The following ABHD2 variants were observed in gnomAD, a reference collection of about 807,000 sequenced individuals.
ABHD2 encodes the protein abhydrolase domain containing 2, acylglycerol lipase, also known as monoacylglycerol lipase ABHD2.
In ABHD2, 20 loss-of-function variants were observed where a neutral mutation model predicts 48.1. The observed-to-expected ratio is 0.42, with a 90% confidence interval of 0.29 to 0.60. The LOEUF is 0.60. Ranked by LOEUF, ABHD2 falls within the 20% of genes least tolerant of loss-of-function variation. ABHD2 has a pLI of 0.24. For missense variants in ABHD2, 405 were observed against 550.9 expected, an observed-to-expected ratio of 0.74 and a Z score of 2.65; for synonymous variants, 209 against 214.2, an observed-to-expected ratio of 0.98 and a Z score of 0.21.
the ABHD2 span, among the ~76,000 whole-genome samples, chr15:89,079,346 T>G: frequency 6.6e-6 from 1 of 152,196 alleles, no homozygotes; most frequent in Middle Eastern, 3.2e-3. The surrounding 1 kb of genome is among the most constrained non-coding windows in gnomAD (Gnocchi z 4.3). Context: ...AAAACCCTTT[T>G]TGGAAAAAGC....
At chr15:89,144,343 G>C (rs907211557) in intron 3 of ABHD2, among the ~76,000 whole-genome samples, 8 of 152,152 alleles carry the variant, frequency 5.3e-5, no homozygotes, top group Admixed American at 1.3e-4. Flanking sequence ...ATGTTGACCA[G>C]GCTGGTCTCA....
chr15:89,063,626 A>G, the ABHD2 span, among the ~76,000 whole-genome samples: 1 of 152,056 alleles, frequency 6.6e-6, no homozygotes, highest in African/African-American at 2.4e-5. Context: ...CAGTTTTTTT[A>G]TTGTTGTAAA....
At chr15:89,107,987 G>A (rs1183329068) in intron 1 of ABHD2, among the ~76,000 whole-genome samples, 1 of 152,212 alleles carries the variant, frequency 6.6e-6, no homozygotes, top group South Asian at 2.1e-4. Flanking sequence ...AAGCCAATAA[G>A]TATTTATTCA....
At chr15:89,041,513 A>G in the ABHD2 span, among the ~76,000 whole-genome samples, 6 of 152,344 alleles carry the variant, frequency 3.9e-5, no homozygotes, top group Non-Finnish European at 7.3e-5. Flanking sequence ...GTCTGGATCT[A>G]CTGCAGTGAC....
At chr15:89,056,495 T>A in the ABHD2 span, among the ~76,000 whole-genome samples, 2 of 151,826 alleles carry the variant, frequency 1.3e-5, no homozygotes, top group African/African-American at 2.4e-5. Context: ...ACAAAAAAAT[T>A]AGCCAGGCAT....
chr15:89,165,295 T>G (rs1038266840), intron 5 of ABHD2, among the ~76,000 whole-genome samples: 8 of 149,786 alleles, frequency 5.3e-5, no homozygotes, highest in African/African-American at 1.0e-4. Context: ...TAAAAAATGT[T>G]TTTTTTTTTT....
rs372914544 is a variant in ABHD2 at position 89,189,099 on chromosome 15, G to A, written c.926+796G>A. Among the ~76,000 whole-genome samples, 4 of 152,140 alleles carry A rather than the reference G, an allele frequency of 2.6e-5. No homozygotes were observed. Among genetic ancestry groups the A allele is most frequent in the Non-Finnish European group, 5.9e-5 (4 of 68,022 alleles). On this transcript the variant is annotated intron_variant, in intron 8 of 10. Coordinates refer to ENST00000352732, the MANE Select transcript of ABHD2 (RefSeq NM_152924.5). This position sits in a 1 kb window ranked among gnomAD's most constrained non-coding sequence, Gnocchi z 4.9. ...GACAGTGGCCTCTTTCCTGGTTCCAGTAGTTTCTGATTGAGGTTAGCCTCA... is the reference window on the plus strand; with the variant it reads ...GACAGTGGCCTCTTTCCTGGTTCCAATAGTTTCTGATTGAGGTTAGCCTCA...
the ABHD2 span, among the ~76,000 whole-genome samples, chr15:89,054,832 G>A: frequency 6.6e-6 from 1 of 151,642 alleles, no homozygotes; most frequent in Admixed American, 6.6e-5. Context: ...TTTGTAACAT[G>A]GCTTTTCTTT....
intron 9 of ABHD2, among the ~76,000 whole-genome samples, chr15:89,191,715 C>G (rs963666260): frequency 0.025 from 4 of 162 alleles, no homozygotes; most frequent in African/African-American, 0.065. Context: ...GCAATCTCCA[C>G]CTTCCCAGGT....
chr15:89,190,665 G>A (rs964343745), intron 8 of ABHD2, among the ~76,000 whole-genome samples: 33 of 152,042 alleles, frequency 2.2e-4, no homozygotes, highest in African/African-American at 7.2e-4. Context: ...ACTCTGGGTC[G>A]GTCATGATGC....
the ABHD2 span, among the ~76,000 whole-genome samples, chr15:89,047,750 A>G: frequency 2.0e-5 from 3 of 149,050 alleles, no homozygotes; most frequent in East Asian, 3.9e-4. Flanking sequence ...CATTTGCTTG[A>G]TAGATCTTCC....
In ABHD2 at chr15:89,151,740, G is replaced by A. The variant is rs1762331347; in HGVS notation, c.258G>A (p.Met86Ile). 3 of 1,614,240 alleles carry A rather than the reference G, an allele frequency of 1.9e-6. No homozygotes were observed. Among genetic ancestry groups the A allele is most frequent in the Non-Finnish European group, 2.5e-6 (3 of 1,180,036 alleles). The change falls in exon 4 of 11, where the codon ATG (methionine) becomes ATA (isoleucine). Residue 86 changes from methionine to isoleucine, a missense_variant. By Grantham distance (10) the Met-to-Ile change is conservative (BLOSUM62 1). Transcript: ENST00000352732. The surrounding 1 kb of genome is among the most constrained non-coding windows in gnomAD (Gnocchi z 4.7). Reference protein sequence around the residue: ...GHIQTALYGKMGRVRSPHPYG... With the variant: ...GHIQTALYGKIGRVRSPHPYG... ...TCCAGACAGCCTTGTATGGGAAGAT[G>A]GGAAGGGTGAGGTCGCCACATCCTT...
At chr15:89,052,064 A>G in the ABHD2 span, among the ~76,000 whole-genome samples, 1 of 152,234 alleles carries the variant, frequency 6.6e-6, no homozygotes, top group Non-Finnish European at 1.5e-5. Flanking sequence ...CATGGGAACA[A>G]TACCATACAT....
chr15:89,109,150 A>G (rs1486688563), intron 1 of ABHD2, among the ~76,000 whole-genome samples: 1 of 152,198 alleles, frequency 6.6e-6, no homozygotes, highest in Non-Finnish European at 1.5e-5. Flanking sequence ...TCTGAAAATA[A>G]TGCTTTTAGC....
Position 89,174,075 on chromosome 15 carries a change from T to A in ABHD2, c.539-1737T>A, listed in dbSNP as rs1301098644. On this transcript the variant is annotated intron_variant, in intron 5 of 10. Transcript: ENST00000352732. This position sits in a 1 kb window ranked among gnomAD's most constrained non-coding sequence, Gnocchi z 4.1. ...ATATTCTGCGTCTTCATCTGGGCAA[T>A]GCTTACCTGGGTATAAATGTGTAAA... Among the ~76,000 whole-genome samples, 2 of 152,172 alleles carry A rather than the reference T, an allele frequency of 1.3e-5. No individual in the cohort carries two copies. The highest frequency in any genetic ancestry group is 3.8e-4 in the East Asian group (2 of 5,204).
upstream of ABHD2, among the ~76,000 whole-genome samples, chr15:89,086,280 G>A (rs2150759744): frequency 6.6e-6 from 1 of 152,284 alleles, no homozygotes. Flanking sequence ...TCCTGCCTTG[G>A]CCTCCCAAAG....
At chr15:89,126,168 A>G (rs2050128385) in intron 3 of ABHD2, among the ~76,000 whole-genome samples, 1 of 152,224 alleles carries the variant, frequency 6.6e-6, no homozygotes, top group Non-Finnish European at 1.5e-5. Context: ...ATATGCTACA[A>G]CTGATTCCAT....
At chr15:89,148,846 A>G in intron 3 of ABHD2, among the ~76,000 whole-genome samples, 1 of 152,236 alleles carries the variant, frequency 6.6e-6, no homozygotes, top group Admixed American at 6.5e-5. Context: ...CCATTTTAGC[A>G]GCATTTCTTC....
intron 6 of ABHD2, among the ~76,000 whole-genome samples, chr15:89,181,228 CAAAAAA>C (rs61411388): frequency 2.7e-4 from 19 of 69,162 alleles, no homozygotes; most frequent in African/African-American, 9.1e-4. Flanking sequence ...GACTCTGTCT[CAAAAAA>C]AAAAAAAAAA....
Sources: allele counts gnomAD v4.1 joint callset (sites outside exome capture counted in the v4.1 genomes callset), GRCh38; gene constraint gnomAD v4.1.1; non-coding constraint Gnocchi (gnomAD v3.1); transcripts MANE v1.5; gene names NCBI Gene and HGNC (gene_info 2026-07-23, HGNC 2026-07-21).